MTMR2: variants seen among roughly 807,000 people sequenced by gnomAD.
The protein encoded by MTMR2 is phosphatidylinositol-3,5-bisphosphate 3-phosphatase MTMR2.
MTMR2 carries 55 observed loss-of-function variants against 86.9 expected under a neutral mutation model. The ratio of observed to expected loss-of-function variants is 0.63; its 90% CI spans 0.51 to 0.79. MTMR2 has a LOEUF of 0.79. MTMR2 is among the 30% of genes least tolerant of loss of function. The pLI, the probability that MTMR2 is intolerant of heterozygous loss-of-function variation, is 0.00. For synonymous variants in MTMR2, 241 were observed against 266.8 expected, an observed-to-expected ratio of 0.90 and a Z score of 0.94; for missense variants, 659 against 772.3, an observed-to-expected ratio of 0.85 and a Z score of 1.74.
chr11:95,887,684 G>GC lies in MTMR2; in HGVS notation c.186+471dup. 6 of 177,238 alleles carry GC rather than the reference G, an allele frequency of 3.4e-5. 3 individuals carry two copies. Among genetic ancestry groups the GC allele is most frequent in the Non-Finnish European group, 7.1e-5 (6 of 84,384 alleles). 11.0% of individuals were successfully genotyped at this position (177,238 alleles called of 1,614,324 possible). On this transcript the variant is annotated intron_variant, in intron 2 of 14. Coordinates refer to ENST00000346299, the MANE Select transcript of MTMR2 (RefSeq NM_016156.6). ...TTAGCTCCCGAACTGGACTGCATGGGCTGGAACACCGGCAATAGAATTTAT... is the reference window on the plus strand; with the variant it reads ...TTAGCTCCCGAACTGGACTGCATGGGCCTGGAACACCGGCAATAGAATTTAT...
intron 2 of MTMR2, among the ~76,000 whole-genome samples, chr11:95,885,557 A>C (rs1865485157): frequency 6.6e-6 from 1 of 152,140 alleles, no homozygotes; most frequent in Non-Finnish European, 1.5e-5. Flanking sequence ...GGAATCAATA[A>C]AGTCGTTCTG....
At chr11:95,889,113 T>C (rs900829762) in intron 1 of MTMR2, among the ~76,000 whole-genome samples, 1 of 151,540 alleles carries the variant, frequency 6.6e-6, no homozygotes, top group African/African-American at 2.4e-5. Context: ...TTACTTTTAC[T>C]TTCTTAAATT....
chr11:95,904,502 G>C (rs977248140), intron 1 of MTMR2, among the ~76,000 whole-genome samples: 4 of 152,124 alleles, frequency 2.6e-5, no homozygotes, highest in Admixed American at 6.5e-5. Context: ...ATAAGAGGTC[G>C]GCACAAGACA....
At position 95,836,281 on chromosome 11, in the gene MTMR2, C is replaced by G. The variant is rs376530848; in HGVS notation, c.1637G>C (p.Ser546Thr). ...RTVSLWSYINSQLEDFTNPLY... is the reference protein window; with the variant it reads ...RTVSLWSYINTQLEDFTNPLY... ...AGGATTAGTGAAGTCTTCCAGCTGG[C>G]TGTTTATGTAAGACCACAGTGACAC... is the stretch of plus-strand genomic sequence containing the variant. The change falls in exon 14 of 15, where the codon AGC becomes ACC. Residue 546 changes from serine (S) to threonine (T), a missense_variant. Coordinates refer to ENST00000346299, the MANE Select transcript of MTMR2 (RefSeq NM_016156.6). The G allele has an allele frequency of 2.5e-6, 4 of 1,612,818 alleles. No homozygotes were observed. The highest frequency in any genetic ancestry group is 3.4e-6 in the Non-Finnish European group (4 of 1,179,184).
chr11:95,895,485 G>A (rs1450418224), intron 1 of MTMR2, among the ~76,000 whole-genome samples: 2 of 152,166 alleles, frequency 1.3e-5, no homozygotes, highest in Non-Finnish European at 2.9e-5. Flanking sequence ...GTAATTTGCT[G>A]AAATCTAAAT....
At position 95,850,643 on chromosome 11, in the gene MTMR2, T is replaced by C; in HGVS notation, c.761A>G (p.Glu254Gly). Reference protein sequence around the residue: ...LVVPANIPDEELKRVASFRSR... With the variant: ...LVVPANIPDEGLKRVASFRSR... ...TCTGAAGGATGCCACTCTCTTTAAT[T>C]CTTCATCAGGAATATTTGCTGGCAC... Residue 254 changes from glutamate (E) to glycine (G), a missense_variant, in exon 8 of 15, where the codon GAA becomes GGA. This residue lies in a region of MTMR2 where 387 missense variants were observed against 526.3 expected (regional missense o/e 0.74). Coordinates refer to ENST00000346299, the MANE Select transcript of MTMR2 (RefSeq NM_016156.6). 6.2e-7 allele frequency: 1 copy of C among 1,614,168 alleles called. No homozygotes were observed. The highest frequency in any genetic ancestry group is 8.5e-7 in the Non-Finnish European group (1 of 1,179,994).
At chr11:95,863,162 G>GTA (rs1021820167) in intron 3 of MTMR2, among the ~76,000 whole-genome samples, 5 of 152,134 alleles carry the variant, frequency 3.3e-5, no homozygotes, top group Non-Finnish European at 5.9e-5. Context: ...TAAATTCCTA[G>GTA]TATGTCATTA....
At chr11:95,889,349 T>C (rs1172800981) in intron 1 of MTMR2, among the ~76,000 whole-genome samples, 1 of 152,106 alleles carries the variant, frequency 6.6e-6, no homozygotes, top group East Asian at 1.9e-4. Context: ...GCCAGGCTGG[T>C]CTTGAACTCC....
chr11:95,838,225 CA>C lies in MTMR2; in HGVS notation c.1480-19del, dbSNP rs758483872. The stretch of plus-strand genomic sequence containing the variant: ...GTAGGAAACTGCAAATCAAACATCA[CA>C]AACACATAAATTAAGACATTCTTCA... On this transcript the variant is annotated intron_variant, in intron 12 of 14. Transcript: ENST00000346299. The C allele has an allele frequency of 7.8e-7, 1 of 1,289,454 alleles. No individual in the cohort carries two copies. Among genetic ancestry groups the C allele is most frequent in the Non-Finnish European group, 1.1e-6 (1 of 887,756 alleles). The allele number at this position is 1,289,454 out of a possible 1,614,324, so 79.9% of individuals were successfully genotyped here. A position where few individuals can be genotyped will look rare whatever the true frequency, so the allele number is the denominator to read the frequency against.
chr11:95,865,560 A>G (rs781516333), intron 3 of MTMR2, 41 bp downstream of exon 3: 1 of 1,527,318 alleles, frequency 6.5e-7, no homozygotes. Flanking sequence ...TCTGCACAGT[A>G]GAACGGAGAA....
At chr11:95,880,536 T>C (rs1340766421) in intron 2 of MTMR2, among the ~76,000 whole-genome samples, 1 of 152,072 alleles carries the variant, frequency 6.6e-6, no homozygotes, top group Non-Finnish European at 1.5e-5. Context: ...ACTGTGGCTG[T>C]TTCAGCACTG....
intron 5 of MTMR2, 52 bp downstream of exon 5, chr11:95,861,940 A>G: frequency 2.3e-6 from 3 of 1,298,708 alleles, no homozygotes; most frequent in Admixed American, 3.5e-5. Context: ...GGTTCTATTT[A>G]ATACAAAGCT....
intron 1 of MTMR2, among the ~76,000 whole-genome samples, chr11:95,911,030 T>G (rs1375920076): frequency 1.3e-5 from 2 of 152,204 alleles, no homozygotes; most frequent in Non-Finnish European, 2.9e-5. Flanking sequence ...TTAAAAATGC[T>G]GTGCCAGAAC....
chr11:95,841,186 A>G (rs927301259), intron 12 of MTMR2, among the ~76,000 whole-genome samples: 2 of 152,178 alleles, frequency 1.3e-5, no homozygotes, highest in African/African-American at 4.8e-5. Flanking sequence ...TGCTTTCTAT[A>G]TAAACATTTT....
chr11:95,909,979 A>G (rs560106768), intron 1 of MTMR2, among the ~76,000 whole-genome samples: 1 of 152,232 alleles, frequency 6.6e-6, no homozygotes, highest in East Asian at 1.9e-4. Flanking sequence ...ATAATGTAAA[A>G]TGTCTTCATG....
intron 2 of MTMR2, among the ~76,000 whole-genome samples, chr11:95,868,606 GA>G (rs1446551702): frequency 6.6e-6 from 1 of 151,652 alleles, no homozygotes; most frequent in African/African-American, 2.4e-5. Flanking sequence ...AAATAATCAA[GA>G]GGAGCAAAAA....
chr11:95,887,605 T>C (rs1865560502), intron 2 of MTMR2: 1 of 167,114 alleles, frequency 6.0e-6, no homozygotes, highest in Non-Finnish European at 1.3e-5. Flanking sequence ...AATAGAGGAA[T>C]ACTTACAAAC....
rs1863232990 is a variant in MTMR2, at chr11:95,835,578, A to G, written c.1771-127T>C. Reference sequence around the variant, plus strand: ...ACCAATGGCACCTTTCCAACCCATCAGTGAAATTAAATACCGGGACTGTGG... The same window carrying G: ...ACCAATGGCACCTTTCCAACCCATCGGTGAAATTAAATACCGGGACTGTGG... On this transcript the variant is annotated intron_variant, in intron 14 of 14. Transcript: ENST00000346299. 5 of 923,574 alleles carry G rather than the reference A, an allele frequency of 5.4e-6. No individual in the cohort carries two copies. In the East Asian group the frequency reaches 1.3e-4, roughly 23 times the overall value. The allele number at this position is 923,574 out of a possible 1,614,324, so 57.2% of individuals were successfully genotyped here. A position where few individuals can be genotyped will look rare whatever the true frequency, so the allele number is the denominator to read the frequency against.
intron 5 of MTMR2, 107 bp from the exon 6 acceptor site, chr11:95,858,739 G>T: frequency 1.3e-6 from 1 of 768,286 alleles, no homozygotes; most frequent in Non-Finnish European, 2.2e-6. Context: ...TGTGAATGTG[G>T]GATACAAAAA....
Sources: allele counts gnomAD v4.1 joint callset (sites outside exome capture counted in the v4.1 genomes callset), GRCh38; gene constraint gnomAD v4.1.1; regional missense constraint gnomAD v4.1.1; transcripts MANE v1.5; gene names NCBI Gene and HGNC (gene_info 2026-07-23, HGNC 2026-07-21).